The following FAM178B variants were observed in gnomAD, a reference collection of about 807,000 sequenced individuals.
The protein encoded by FAM178B is family with sequence similarity 178 member B.
A neutral mutation model predicts 91.7 loss-of-function variants in FAM178B; 82 were observed. The ratio of observed to expected loss-of-function variants is 0.89; its 90% CI spans 0.75 to 1.07. The LOEUF is 1.07. Ranked by LOEUF, FAM178B falls within the 50% of genes least tolerant of loss-of-function variation. FAM178B has a pLI of 0.00. For missense variants in FAM178B, 769 were observed against 846.7 expected (o/e 0.91, Z 1.14); for synonymous variants, 368 against 359.4 (o/e 1.02, Z -0.27).
intron 14 of FAM178B, among the ~76,000 whole-genome samples, chr2:96,890,535 A>C (rs4907260): frequency 0.25 from 38,380 of 152,092 alleles, 6,152 homozygotes; most frequent in South Asian, 0.67. Flanking sequence ...ACACACCAGA[A>C]AACATCTGGC....
chr2:96,915,883 C>T (rs1436488354), intron 12 of FAM178B, among the ~76,000 whole-genome samples: 1 of 152,080 alleles, frequency 6.6e-6, no homozygotes, highest in Non-Finnish European at 1.5e-5. Context: ...ATTAACCTCA[C>T]ACCCAAAGAT....
chr2:96,881,183 T>C (rs927827699), intron 14 of FAM178B, among the ~76,000 whole-genome samples: 6 of 149,088 alleles, frequency 4.0e-5, no homozygotes, highest in African/African-American at 7.5e-5. Flanking sequence ...GGCAGGCATA[T>C]CACTTGAGCC....
chr2:96,937,430 T>C (rs1416154257), intron 8 of FAM178B, among the ~76,000 whole-genome samples: 1 of 151,984 alleles, frequency 6.6e-6, no homozygotes, highest in Non-Finnish European at 1.5e-5. Flanking sequence ...TGGTGGATGA[T>C]GAGGGTGGTG....
intron 7 of FAM178B, among the ~76,000 whole-genome samples, chr2:96,948,179 G>A (rs1310728702): frequency 4.6e-5 from 7 of 152,172 alleles, no homozygotes; most frequent in Admixed American, 1.3e-4. Flanking sequence ...CTCCTACTCC[G>A]TCCACCTCCT....
Position 96,986,512 on chromosome 2 carries a change from C to T in FAM178B, c.-199G>A, listed in dbSNP as rs917060061. ...AGATCCAGTTCTGGGGATTGAGTTC[C>T]GACTCCAAACCAAGCGGCCAGCTCA... On this transcript the variant is annotated 5_prime_UTR_variant, in exon 1 of 17. Coordinates refer to ENST00000490605, the MANE Select transcript of FAM178B (RefSeq NM_001122646.3). 4 of 645,366 alleles carry T rather than the reference C, an allele frequency of 6.2e-6. No individual in the cohort carries two copies. Among genetic ancestry groups the T allele is most frequent in the Admixed American group, 3.2e-5 (1 of 30,980 alleles). The allele number at this position is 645,366 out of a possible 1,614,324, so 40.0% of individuals were successfully genotyped here.
At chr2:96,908,296 T>C (rs879903474) in intron 12 of FAM178B, among the ~76,000 whole-genome samples, 2 of 152,184 alleles carry the variant, frequency 1.3e-5, no homozygotes, top group African/African-American at 4.8e-5. Flanking sequence ...CGTCTATATA[T>C]AACCACGCAC....
At chr2:96,966,264 G>A (rs1334337411) in intron 5 of FAM178B, among the ~76,000 whole-genome samples, 1 of 151,900 alleles carries the variant, frequency 6.6e-6, no homozygotes, top group East Asian at 1.9e-4. Flanking sequence ...GGCCTTCCCT[G>A]AGCCCTCATC....
intron 13 of FAM178B, 105 bp from the exon 14 acceptor site, chr2:96,894,156 G>A (rs2080752763): frequency 3.7e-6 from 5 of 1,362,438 alleles, no homozygotes; most frequent in Non-Finnish European, 3.0e-6. Context: ...AGTGTGTTAG[G>A]GCACTGGCTT....
intron 16 of FAM178B, among the ~76,000 whole-genome samples, chr2:96,877,140 C>T (rs2080262178): frequency 6.6e-6 from 1 of 152,240 alleles, no homozygotes; most frequent in Middle Eastern, 3.4e-3. Flanking sequence ...ATCACACCTA[C>T]AGGCTCTGAG....
chr2:96,885,657 G>A (rs964151026), intron 14 of FAM178B, among the ~76,000 whole-genome samples: 1 of 152,220 alleles, frequency 6.6e-6, no homozygotes, highest in African/African-American at 2.4e-5. Flanking sequence ...AATCCTTGCT[G>A]GAGGGCGGAG....
rs2082159764 is a variant in FAM178B, at chr2:96,967,570, G to C, written c.684C>G (p.Leu228=). 1.3e-5 allele frequency: 20 copies of C among 1,550,760 alleles called. No individual in the cohort carries two copies. Among genetic ancestry groups the C allele is most frequent in the Non-Finnish European group, 1.7e-5 (19 of 1,146,932 alleles). The change falls in exon 5 of 17, where the codon CTC becomes CTG. Residue 228 remains leucine (L), a synonymous_variant. Coordinates refer to ENST00000490605, the MANE Select transcript of FAM178B (RefSeq NM_001122646.3). ...CCTCTTCATCAAGATCCAAGGAGTT[G>C]AGATTGAGACACTCCTGCAGAAGCA... is the stretch of plus-strand genomic sequence containing the variant. ...ERLLLQECLN[L]NSLDLDEEEV... is the part of the protein sequence containing the mutation.
intron 8 of FAM178B, among the ~76,000 whole-genome samples, chr2:96,947,525 T>G (rs1456931766): frequency 2.0e-5 from 3 of 152,182 alleles, no homozygotes; most frequent in Non-Finnish European, 2.9e-5. Context: ...AGAGACTGTC[T>G]CAGTCTGAAC....
chr2:96,883,747 A>G (rs1240656061), intron 14 of FAM178B, among the ~76,000 whole-genome samples: 6 of 152,026 alleles, frequency 3.9e-5, no homozygotes, highest in African/African-American at 1.2e-4. Context: ...CCTGCCTCTC[A>G]CTCAGGAAGC....
intron 1 of FAM178B, among the ~76,000 whole-genome samples, chr2:96,976,436 A>G (rs2082289503): frequency 6.6e-6 from 1 of 152,122 alleles, no homozygotes; most frequent in African/African-American, 2.4e-5. Flanking sequence ...CATATAAAGT[A>G]TCTTCTGACC....
intron 14 of FAM178B, among the ~76,000 whole-genome samples, chr2:96,893,467 T>G (rs1217134704): frequency 3.3e-5 from 5 of 151,958 alleles, no homozygotes; most frequent in Non-Finnish European, 7.4e-5. Context: ...GGACTCAGAC[T>G]CAGTGACAAC....
chr2:96,893,262 C>T (rs1185532820), intron 14 of FAM178B, among the ~76,000 whole-genome samples: 12 of 152,082 alleles, frequency 7.9e-5, no homozygotes, highest in Admixed American at 6.5e-5. Context: ...CCCGGGATGC[C>T]CACTCTGCAG....
At chr2:96,931,118 C>G (rs538160820) in intron 8 of FAM178B, among the ~76,000 whole-genome samples, 1 of 152,264 alleles carries the variant, frequency 6.6e-6, no homozygotes, top group Non-Finnish European at 1.5e-5. Context: ...ATCCAGAAGG[C>G]AGATGTTAAA....
intron 8 of FAM178B, among the ~76,000 whole-genome samples, chr2:96,940,281 A>G (rs933392592): frequency 4.6e-5 from 7 of 152,138 alleles, no homozygotes; most frequent in African/African-American, 1.4e-4. Context: ...TGCTCCACAC[A>G]TATGGGCAGC....
In FAM178B at chr2:96,928,465, G is replaced by A. The variant is rs1195201862; in HGVS notation, c.1193+741C>T. ...GGCAAATGATCATGACTGTCCACGA[G>A]CAAGTCAGCCCGGGGCTCAACGGGG... On this transcript the variant is annotated intron_variant, in intron 9 of 16. Transcript: ENST00000490605. Among the ~76,000 whole-genome samples the A allele has an allele frequency of 2.6e-5, 4 of 152,298 alleles. No homozygotes were observed. In the East Asian group the frequency reaches 5.8e-4, roughly 22 times the overall value.
Sources: gnomAD v4.1 joint callset for allele counts (sites outside exome capture counted in the v4.1 genomes callset) on GRCh38, gnomAD v4.1.1 for gene constraint, MANE v1.5 for transcripts, NCBI Gene and HGNC (gene_info 2026-07-23, HGNC 2026-07-21) for gene names.